The following ADAM23 variants were observed in gnomAD, a reference collection of about 807,000 sequenced individuals.
The protein encoded by ADAM23 is ADAM metallopeptidase domain 23, also known as disintegrin and metalloproteinase domain-containing protein 23.
A neutral mutation model predicts 120.1 loss-of-function variants in ADAM23; 33 were observed. The ratio of observed to expected loss-of-function variants is 0.27; its 90% CI spans 0.21 to 0.37. The LOEUF (loss-of-function observed/expected upper bound fraction) is 0.37. Ranked by LOEUF, ADAM23 falls within the 10% of genes least tolerant of loss-of-function variation. The pLI is 1.00. For synonymous variants in ADAM23, 367 were observed against 375.2 expected (o/e 0.98, Z 0.25); for missense variants, 862 against 1,058.2 (o/e 0.81, Z 2.57).
chr2:206,494,177 T>A (rs1696188806), intron 3 of ADAM23, among the ~76,000 whole-genome samples: 1 of 152,180 alleles, frequency 6.6e-6, no homozygotes, highest in Non-Finnish European at 1.5e-5. Context: ...TACAGTATAA[T>A]TAATTATAGT....
intron 4 of ADAM23, among the ~76,000 whole-genome samples, chr2:206,539,598 A>G (rs894945564): frequency 6.6e-6 from 1 of 152,202 alleles, no homozygotes; most frequent in Non-Finnish European, 1.5e-5. Context: ...TGGTTGTTGA[A>G]GATGGCCAGA....
intron 3 of ADAM23, among the ~76,000 whole-genome samples, chr2:206,514,517 T>C (rs1012502583): frequency 6.6e-6 from 1 of 152,194 alleles, no homozygotes; most frequent in Admixed American, 6.5e-5. Flanking sequence ...ACTTAAGTGG[T>C]TTCATGAGAT....
At chr2:206,554,691 T>G (rs1356446202) in intron 9 of ADAM23, among the ~76,000 whole-genome samples, 1 of 152,134 alleles carries the variant, frequency 6.6e-6, no homozygotes, top group African/African-American at 2.4e-5. Context: ...ACTAGAAGGA[T>G]TTAAATTCTA....
intron 2 of ADAM23, among the ~76,000 whole-genome samples, chr2:206,452,714 G>T (rs1160309555): frequency 6.6e-6 from 1 of 152,148 alleles, no homozygotes; most frequent in Non-Finnish European, 1.5e-5. Flanking sequence ...CCTGTGTGAA[G>T]GTAAATCATG....
intron 3 of ADAM23, among the ~76,000 whole-genome samples, chr2:206,522,327 C>T (rs1047510166): frequency 1.3e-5 from 2 of 151,866 alleles, no homozygotes; most frequent in African/African-American, 4.8e-5. Context: ...TAACCAGTCA[C>T]CTTACTTAAC....
At chr2:206,608,938 AT>A (rs1236004865) in intron 24 of ADAM23, among the ~76,000 whole-genome samples, 2 of 152,196 alleles carry the variant, frequency 1.3e-5, no homozygotes, top group Non-Finnish European at 1.5e-5. Context: ...GACTGAAAGT[AT>A]TTTGTTGTTA....
intron 4 of ADAM23, among the ~76,000 whole-genome samples, chr2:206,534,075 A>G (rs1697126165): frequency 6.6e-6 from 1 of 152,218 alleles, no homozygotes. Flanking sequence ...TGTTTTTAGT[A>G]TATCTACAGA....
At chr2:206,508,605 A>G (rs1444938260) in intron 3 of ADAM23, among the ~76,000 whole-genome samples, 2 of 150,748 alleles carry the variant, frequency 1.3e-5, no homozygotes, top group East Asian at 2.0e-4. Context: ...GCAGTGAACC[A>G]AGATCATGCC....
chr2:206,538,013 A>G (rs912256873), intron 4 of ADAM23, among the ~76,000 whole-genome samples: 2 of 152,200 alleles, frequency 1.3e-5, no homozygotes, highest in Non-Finnish European at 2.9e-5. Flanking sequence ...TGAAAGGAGC[A>G]CGGGGTTAAA....
intron 3 of ADAM23, among the ~76,000 whole-genome samples, chr2:206,484,448 A>T (rs575388319): frequency 1.3e-5 from 2 of 152,100 alleles, no homozygotes; most frequent in African/African-American, 4.8e-5. Context: ...TATTATTTTT[A>T]AAAATTGGAG....
At chr2:206,600,131 G>A (rs908338392) in intron 24 of ADAM23, among the ~76,000 whole-genome samples, 13 of 152,202 alleles carry the variant, frequency 8.5e-5, no homozygotes, top group African/African-American at 2.7e-4. Flanking sequence ...GAACCTGGGA[G>A]GCAGAGCTTG....
At chr2:206,616,539 T>C (rs1464629240) in intron 25 of ADAM23, among the ~76,000 whole-genome samples, 1 of 152,204 alleles carries the variant, frequency 6.6e-6, no homozygotes, top group African/African-American at 2.4e-5. Flanking sequence ...GCAGGATGCC[T>C]TTATACCTAT....
At chr2:206,508,250 T>G (rs369687504) in intron 3 of ADAM23, among the ~76,000 whole-genome samples, 1 of 152,116 alleles carries the variant, frequency 6.6e-6, no homozygotes, top group Non-Finnish European at 1.5e-5. Flanking sequence ...AGGATGGTCT[T>G]GATCTGACCT....
intron 3 of ADAM23, among the ~76,000 whole-genome samples, chr2:206,497,118 T>C (rs961676330): frequency 5.9e-5 from 9 of 152,264 alleles, no homozygotes; most frequent in Non-Finnish European, 1.2e-4. Context: ...TTCCAATCAA[T>C]AGAAAATGAG....
At chr2:206,575,584 C>T (rs1367702614) in intron 18 of ADAM23, among the ~76,000 whole-genome samples, 3 of 152,112 alleles carry the variant, frequency 2.0e-5, no homozygotes, top group African/African-American at 7.2e-5. Context: ...TTCCAAGAGG[C>T]TCCCAATAGA....
rs1699018595 is a variant in ADAM23 at position 206,619,690 on chromosome 2, G to A, written c.*2063G>A. 1 of 152,112 alleles carries A rather than the reference G, an allele frequency of 6.6e-6. No individual in the cohort carries two copies. The highest frequency in any genetic ancestry group is 2.4e-5 in the African/African-American group (1 of 41,416). The allele number at this position is 152,112 out of a possible 1,614,324, so 9.4% of individuals were successfully genotyped here. Reference sequence around the variant, plus strand: ...AAAATGCACTGCTTAACACAGTGGGGTTTTTTTCCCCCGAGGTGTCTTTAA... The same window carrying A: ...AAAATGCACTGCTTAACACAGTGGGATTTTTTTCCCCCGAGGTGTCTTTAA... On this transcript the variant is annotated 3_prime_UTR_variant, in exon 26 of 26. Coordinates refer to ENST00000264377, the MANE Select transcript of ADAM23 (RefSeq NM_003812.4).
intron 4 of ADAM23, among the ~76,000 whole-genome samples, chr2:206,541,368 G>C (rs966133108): frequency 1.3e-5 from 2 of 152,122 alleles, no homozygotes; most frequent in Non-Finnish European, 1.5e-5. Context: ...AGAATGTACT[G>C]GGGGTGAGAG....
At chr2:206,449,773 A>G (rs1262759637) in intron 2 of ADAM23, among the ~76,000 whole-genome samples, 1 of 152,006 alleles carries the variant, frequency 6.6e-6, no homozygotes, top group Non-Finnish European at 1.5e-5. Context: ...AAAACAAACA[A>G]ACAAAAAACC....
chr2:206,463,118 T>G (rs1297109131), intron 2 of ADAM23, among the ~76,000 whole-genome samples: 1 of 152,146 alleles, frequency 6.6e-6, no homozygotes, highest in East Asian at 1.9e-4. Flanking sequence ...GTAGACAGAT[T>G]CCCCTAAAGA....
Sources: gnomAD v4.1 joint callset for allele counts (sites outside exome capture counted in the v4.1 genomes callset) on GRCh38, gnomAD v4.1.1 for gene constraint, MANE v1.5 for transcripts, NCBI Gene and HGNC (gene_info 2026-07-23, HGNC 2026-07-21) for gene names.